The following DCBLD2 variants were observed in gnomAD, a reference collection of about 807,000 sequenced individuals.
The protein encoded by DCBLD2 is discoidin, CUB and LCCL domain-containing protein 2.
A neutral mutation model predicts 86.8 loss-of-function variants in DCBLD2; 54 were observed. That is an observed-to-expected ratio of 0.62 (90% CI 0.50 to 0.78). The LOEUF (loss-of-function observed/expected upper bound fraction) is 0.78. Ranked by LOEUF, DCBLD2 falls within the 30% of genes least tolerant of loss-of-function variation. DCBLD2 has a pLI of 0.00. For synonymous variants in DCBLD2, 354 were observed against 341.3 expected (o/e 1.04, Z -0.41); for missense variants, 908 against 954.2 (o/e 0.95, Z 0.64).
At position 98,901,011 on chromosome 3, in the gene DCBLD2, C is replaced by T. The variant is rs528777396; in HGVS notation, c.205+111G>A. 5 of 1,510,220 alleles carry T rather than the reference C, an allele frequency of 3.3e-6. No homozygotes were observed. In the South Asian group the frequency reaches 6.2e-5, roughly 19 times the overall value. 93.6% of individuals were successfully genotyped at this position (1,510,220 alleles called of 1,614,324 possible). A position where few individuals can be genotyped will look rare whatever the true frequency, so the allele number is the denominator to read the frequency against. On this transcript the variant is annotated intron_variant, in intron 1 of 15. Transcript: ENST00000326840. ...GAGTACCCAGCCAGGTCCGGCCACG[C>T]ACGAAAGCGCACCGCGCCTCCCTGC...
At chr3:98,871,137 T>C (rs1018392353) in intron 2 of DCBLD2, among the ~76,000 whole-genome samples, 2 of 152,180 alleles carry the variant, frequency 1.3e-5, no homozygotes, top group Admixed American at 6.5e-5. Context: ...ATGGTGATTT[T>C]GTAACCTGAC....
Position 98,822,345 on chromosome 3 carries a change from A to G in DCBLD2, c.713T>C (p.Met238Thr), listed in dbSNP as rs755402029. The stretch of plus-strand genomic sequence containing the variant: ...CACTACTCCTGCATGCACACCAGCC[A>G]TGCACAATGGCGAGGACTTAAGGAA... ...HGYRDSSPLC[M>T]AGVHAGVVSN... Residue 238 changes from methionine (M) to threonine (T), a missense_variant, in exon 6 of 16, where the codon ATG becomes ACG. Met to Thr is a moderately conservative substitution (Grantham distance 81). Around this residue, in one of 3 missense-constraint regions of DCBLD2, gnomAD observed 606 missense variants for 678.5 expected, o/e 0.89. Transcript: ENST00000326840. The G allele has an allele frequency of 1.2e-6, 2 of 1,613,712 alleles. No individual in the cohort carries two copies. The highest frequency in any genetic ancestry group is 2.2e-5 in the East Asian group (1 of 44,874).
intron 2 of DCBLD2, among the ~76,000 whole-genome samples, chr3:98,866,056 T>A: frequency 6.6e-6 from 1 of 152,154 alleles, no homozygotes; most frequent in Non-Finnish European, 1.5e-5. Flanking sequence ...TTTTTATGGC[T>A]GCATAGTATT....
At chr3:98,837,912 G>T (rs1322545120) in intron 3 of DCBLD2, among the ~76,000 whole-genome samples, 1 of 93,828 alleles carries the variant, frequency 1.1e-5, no homozygotes, top group African/African-American at 4.9e-5. Flanking sequence ...CTGGCCGGGT[G>T]GGGGTGCTGA....
intron 1 of DCBLD2, among the ~76,000 whole-genome samples, chr3:98,886,809 CTT>C (rs1553734159): frequency 4.9e-4 from 59 of 121,516 alleles, no homozygotes; most frequent in African/African-American, 1.4e-3. Flanking sequence ...AACCCCCCCC[CTT>C]TTTTTTTTTT....
chr3:98,899,925 G>C (rs1283605587), intron 1 of DCBLD2, among the ~76,000 whole-genome samples: 1 of 152,118 alleles, frequency 6.6e-6, no homozygotes, highest in African/African-American at 2.4e-5. Flanking sequence ...CTCTACAGTG[G>C]AAAGAAGGAT....
At chr3:98,895,398 G>A (rs1028853393) in intron 1 of DCBLD2, 1 of 152,126 alleles carries the variant, frequency 6.6e-6, no homozygotes, top group Non-Finnish European at 1.5e-5. Flanking sequence ...CAGACACAGG[G>A]CATGAGTTCA....
intron 13 of DCBLD2, among the ~76,000 whole-genome samples, chr3:98,803,103 G>C (rs1941761019): frequency 6.6e-6 from 1 of 152,184 alleles, no homozygotes; most frequent in South Asian, 2.1e-4. Flanking sequence ...TTGGTAGCTT[G>C]ATGGGGATGG....
intron 12 of DCBLD2, among the ~76,000 whole-genome samples, chr3:98,810,938 A>G (rs1332807739): frequency 6.6e-6 from 1 of 152,174 alleles, no homozygotes; most frequent in East Asian, 1.9e-4. Flanking sequence ...GCTGTAAGGA[A>G]CAATAAATCA....
Position 98,820,235 on chromosome 3 carries a change from A to C in DCBLD2, c.871+13T>G, listed in dbSNP as rs374319147. On this transcript the variant is annotated intron_variant, in intron 7 of 15. Transcript: ENST00000326840. ...ATATAAATAAAAAATTATAAAGTCCATAAAAGGCTTACCACTTGTCTTAAA... is the reference window on the plus strand; with the variant it reads ...ATATAAATAAAAAATTATAAAGTCCCTAAAAGGCTTACCACTTGTCTTAAA... 6.9e-7 allele frequency: 1 copy of C among 1,441,696 alleles called. No individual in the cohort carries two copies. Among genetic ancestry groups the C allele is most frequent in the African/African-American group, 1.5e-5 (1 of 68,404 alleles). 89.3% of individuals were successfully genotyped at this position (1,441,696 alleles called of 1,614,324 possible).
Position 98,797,456 on chromosome 3 carries a change from A to G in DCBLD2, c.*1916T>C, listed in dbSNP as rs1161581628. 6.6e-6 allele frequency: 1 copy of G among 152,628 alleles called. No individual in the cohort carries two copies. Among genetic ancestry groups the G allele is most frequent in the African/African-American group, 2.4e-5 (1 of 41,466 alleles). 9.5% of individuals were successfully genotyped at this position (152,628 alleles called of 1,614,324 possible). Reference sequence around the variant, plus strand: ...TTGAGGAAAAGTATATTCTCTGTGTACTAAGGATGAATTAAAAAATCAACT... The same window carrying G: ...TTGAGGAAAAGTATATTCTCTGTGTGCTAAGGATGAATTAAAAAATCAACT... On this transcript the variant is annotated 3_prime_UTR_variant, in exon 16 of 16. Transcript: ENST00000326840.
chr3:98,854,359 G>C (rs1942895732), intron 2 of DCBLD2, among the ~76,000 whole-genome samples: 1 of 152,108 alleles, frequency 6.6e-6, no homozygotes, highest in South Asian at 2.1e-4. Context: ...CCCCTGCTTG[G>C]AGTGGTTGAG....
At chr3:98,820,209 T>C (rs1553725019) in intron 7 of DCBLD2, 39 bp downstream of exon 7, 1 of 1,305,432 alleles carries the variant, frequency 7.7e-7, no homozygotes. Flanking sequence ...CAAAAAATAT[T>C]ATATAAATAA....
intron 1 of DCBLD2, among the ~76,000 whole-genome samples, chr3:98,882,019 T>C (rs1943480585): frequency 6.6e-6 from 1 of 152,192 alleles, no homozygotes; most frequent in African/African-American, 2.4e-5. Flanking sequence ...CATTTATCAC[T>C]TGTGTTACCT....
chr3:98,797,374 G>T lies in DCBLD2; in HGVS notation c.*1998C>A, dbSNP rs1941628241. 6.6e-6 allele frequency: 1 copy of T among 151,964 alleles called. No individual in the cohort carries two copies. 9.4% of individuals were successfully genotyped at this position (151,964 alleles called of 1,614,324 possible). On this transcript the variant is annotated 3_prime_UTR_variant, in exon 16 of 16. Transcript: ENST00000326840. Reference sequence around the variant, plus strand: ...AACACAAGAATAGCAAACTTCTTTGGGAAAATGAAATAGTTACCAAAAACA... The same window carrying T: ...AACACAAGAATAGCAAACTTCTTTGTGAAAATGAAATAGTTACCAAAAACA...
rs773751240 is a variant in DCBLD2, at chr3:98,819,379, C to T, written c.910G>A (p.Ala304Thr). The change falls in exon 8 of 16, where the codon GCG becomes ACG. Residue 304 changes from alanine to threonine, a missense_variant. By Grantham distance (58) the Ala-to-Thr change is moderately conservative. Coordinates refer to ENST00000326840, the MANE Select transcript of DCBLD2 (RefSeq NM_080927.4). ...GATGATGCTGTTATTTGAGGATCCG[C>T]GATCACACCAGACTCCATCCCCAGT... Reference protein sequence around the residue: ...GTLGMESGVIADPQITASSVL... With the variant: ...GTLGMESGVITDPQITASSVL... 1.6e-5 allele frequency: 26 copies of T among 1,613,566 alleles called. No homozygotes were observed. The highest frequency in any genetic ancestry group is 1.0e-4 in the Admixed American group (6 of 59,980).
chr3:98,819,514 C>A, intron 7 of DCBLD2, 97 bp from the exon 8 acceptor site: 1 of 1,202,556 alleles, frequency 8.3e-7, no homozygotes, highest in Non-Finnish European at 1.2e-6. Context: ...CTTTAATTAA[C>A]ATACACTACA....
At chr3:98,846,196 T>C (rs1942718299) in intron 3 of DCBLD2, among the ~76,000 whole-genome samples, 1 of 152,168 alleles carries the variant, frequency 6.6e-6, no homozygotes, top group African/African-American at 2.4e-5. Flanking sequence ...GATGACTCTA[T>C]CAACAACCCA....
chr3:98,809,760 G>GTA (rs1559769680), intron 12 of DCBLD2, among the ~76,000 whole-genome samples: 1 of 152,188 alleles, frequency 6.6e-6, no homozygotes, highest in Non-Finnish European at 1.5e-5. Flanking sequence ...GGAAACTACA[G>GTA]AGGCACAAAT....
Sources: gnomAD v4.1 joint callset for allele counts (sites outside exome capture counted in the v4.1 genomes callset) on GRCh38, gnomAD v4.1.1 for gene constraint, gnomAD v4.1.1 regional missense constraint, MANE v1.5 for transcripts, NCBI Gene and HGNC (gene_info 2026-07-23, HGNC 2026-07-21) for gene names.